Variants in DNAH10 observed in about 807,000 individuals in gnomAD.
DNAH10 encodes dynein axonemal heavy chain 10.
In DNAH10, 348 loss-of-function variants were observed where a neutral mutation model predicts 506.6. The observed-to-expected ratio is 0.69, with a 90% CI of 0.63 to 0.75. The LOEUF (loss-of-function observed/expected upper bound fraction) is 0.75, where lower values mean the gene tolerates loss of function less well. Ranked by LOEUF, DNAH10 falls within the 30% of genes least tolerant of loss-of-function variation. The probability of loss-of-function intolerance (pLI) is 0.00; values close to 1 mark genes in which losing one functional copy is unlikely to be tolerated. For synonymous variants in DNAH10, 2,059 were observed against 2,198.6 expected, an observed-to-expected ratio of 0.94 and a Z score of 1.78; for missense variants, 5,179 against 5,787.1, an observed-to-expected ratio of 0.89 and a Z score of 3.41.
At chr12:123,868,659 G>T (rs1291934526) in intron 43 of DNAH10, among the ~76,000 whole-genome samples, 1 of 152,134 alleles carries the variant, frequency 6.6e-6, no homozygotes, top group Non-Finnish European at 1.5e-5. Context: ...ATTCTCCAAG[G>T]TCTATATGCA....
chr12:123,764,667 C>A (rs1019214296), intron 1 of DNAH10, among the ~76,000 whole-genome samples: 1 of 152,146 alleles, frequency 6.6e-6, no homozygotes, highest in African/African-American at 2.4e-5. Context: ...TCAGAGGGTC[C>A]CCCTGGTTAA....
intron 36 of DNAH10, among the ~76,000 whole-genome samples, chr12:123,854,202 A>G (rs1272730864): frequency 6.7e-6 from 1 of 149,710 alleles, no homozygotes; most frequent in Non-Finnish European, 1.5e-5. Context: ...CTTTTTTCTT[A>G]GGAGAAAGGA....
Position 123,818,976 on chromosome 12 carries a change from T to G in DNAH10, c.3807T>G (p.Val1269=). 1.2e-6 allele frequency: 2 copies of G among 1,606,016 alleles called. No individual in the cohort carries two copies. The highest frequency in any genetic ancestry group is 1.7e-6 in the Non-Finnish European group (2 of 1,176,084). ...CTCCTGATGCAGAGAAAGAACTGGT[T>G]GATAAGATTGAGAGCATATGGTCCA... is the stretch of plus-strand genomic sequence containing the variant. ...LFPPDAEKEL[V]DKIESIWSNL... Residue 1269 remains valine (V), a synonymous_variant, in exon 22 of 79, where the codon GTT becomes GTG. Coordinates refer to ENST00000673944, the MANE Select transcript of DNAH10 (RefSeq NM_001372106.1).
At chr12:123,777,364 G>A (rs11836876) in intron 5 of DNAH10, among the ~76,000 whole-genome samples, 79 of 152,342 alleles carry the variant, frequency 5.2e-4, no homozygotes, top group African/African-American at 1.9e-3. Flanking sequence ...GGGGCCCGCC[G>A]TGCCACTTGC....
At chr12:123,822,674 C>T (rs1594114826) in intron 24 of DNAH10, among the ~76,000 whole-genome samples, 1 of 152,054 alleles carries the variant, frequency 6.6e-6, no homozygotes, top group Non-Finnish European at 1.5e-5. Context: ...GGAATTGGCT[C>T]CTGTGATTAT....
intron 30 of DNAH10, 21 bp downstream of exon 30, chr12:123,841,566 A>C: frequency 1.2e-6 from 2 of 1,603,230 alleles, no homozygotes; most frequent in Non-Finnish European, 1.7e-6. Context: ...GAATGTGGAC[A>C]TGCATTGCTC....
chr12:123,888,098 G>C (rs1425876800), intron 52 of DNAH10, among the ~76,000 whole-genome samples: 1 of 152,158 alleles, frequency 6.6e-6, no homozygotes, highest in Non-Finnish European at 1.5e-5. Flanking sequence ...TGTAGTTCCA[G>C]CTACTCAGGA....
At chr12:123,873,449 G>A in intron 45 of DNAH10, 109 bp from the exon 46 acceptor site, 1 of 1,320,236 alleles carries the variant, frequency 7.6e-7, no homozygotes, top group Non-Finnish European at 1.0e-6. Context: ...TAAAAAGTTA[G>A]TTCAGAGGCC....
At chr12:123,879,487 T>C in intron 49 of DNAH10, 130 bp downstream of exon 49, 2 of 1,416,760 alleles carry the variant, frequency 1.4e-6, no homozygotes. Context: ...CAAAGGAGGG[T>C]GGGTGGGTTA....
rs75259413 is a variant in DNAH10 at position 123,813,785 on chromosome 12, A to G, written c.3653A>G (p.Asn1218Ser). ...GCCAAAAACCTTAGGAAGATCCCCA[A>G]TACCCTTGAAGATCTCAAGTTTGTC... ...HLAKNLRKIP[N>S]TLEDLKFVLA... The change falls in exon 21 of 79, where the codon AAT becomes AGT. Residue 1218 changes from asparagine to serine, a missense_variant. This residue lies in a region of DNAH10 where 4,844 missense variants were observed against 5,430.5 expected (regional missense o/e 0.89). Transcript: ENST00000673944. 4.6e-3 allele frequency: 7,457 copies of G among 1,613,474 alleles called. 102 individuals are homozygous for G. Among genetic ancestry groups the G allele is most frequent in the African/African-American group, 0.046 (3,460 of 75,016 alleles).
In DNAH10 at chr12:123,929,307, C is replaced by T. The variant is rs1469852575; in HGVS notation, c.12339C>T (p.Leu4113=). The stretch of plus-strand genomic sequence containing the variant: ...CCGAGCCACCCAATGGGCTGAAACT[C>T]AACATGAGGGCAACTTACTTCAAGA... ...VVTEPPNGLK[L]NMRATYFKIS... is the part of the protein sequence containing the mutation. The change falls in exon 71 of 79, where the codon CTC becomes CTT. Residue 4113 remains leucine (L), a synonymous_variant. Coordinates refer to ENST00000673944, the MANE Select transcript of DNAH10 (RefSeq NM_001372106.1). The T allele has an allele frequency of 3.7e-6, 6 of 1,603,498 alleles. No individual in the cohort carries two copies. In the Admixed American group the frequency reaches 1.0e-4, roughly 27 times the overall value.
Position 123,799,351 on chromosome 12 carries a change from A to T in DNAH10, c.2269A>T (p.Lys757Ter), listed in dbSNP as rs961664846. 1 of 1,611,658 alleles carries T rather than the reference A, an allele frequency of 6.2e-7. No homozygotes were observed. The highest frequency in any genetic ancestry group is 2.2e-5 in the East Asian group (1 of 44,864). Residue 757 changes from lysine (K) to a stop codon, truncating the protein, a stop_gained, in exon 14 of 79, where the codon AAG becomes TAG. Coordinates refer to ENST00000673944, the MANE Select transcript of DNAH10 (RefSeq NM_001372106.1). LOFTEE classifies it high-confidence loss of function. The stretch of plus-strand genomic sequence containing the variant: ...GGAGCAGGTGCTGCCAGCTCTCATG[A>T]AGAAGAGCCTTTTGACCAAGGTGCG... ...VTEQVLPALM[K>*]KSLLTKSSIA... is the part of the protein sequence containing the mutation.
In DNAH10 at chr12:123,762,638, C is replaced by T. The variant is rs1956870015; in HGVS notation, c.214+88C>T. 7.3e-7 allele frequency: 1 copy of T among 1,370,410 alleles called. No individual in the cohort carries two copies. The highest frequency in any genetic ancestry group is 9.8e-7 in the Non-Finnish European group (1 of 1,023,648). The allele number at this position is 1,370,410 out of a possible 1,614,324, so 84.9% of individuals were successfully genotyped here. Reference sequence around the variant, plus strand: ...CGGGCGCCGGGGCTGCTAGAGCCTGCCCATCGTCCGGCCCCGGCCTCAGGT... The same window carrying T: ...CGGGCGCCGGGGCTGCTAGAGCCTGTCCATCGTCCGGCCCCGGCCTCAGGT... On this transcript the variant is annotated intron_variant, in intron 1 of 78. Transcript: ENST00000673944. This position sits in a 1 kb window ranked among gnomAD's most constrained non-coding sequence, Gnocchi z 5.0.
chr12:123,778,732 A>G (rs1412651035), intron 5 of DNAH10, among the ~76,000 whole-genome samples: 1 of 152,114 alleles, frequency 6.6e-6, no homozygotes, highest in Non-Finnish European at 1.5e-5. Flanking sequence ...GTTCAAATGC[A>G]TGAGTTAAAA....
chr12:123,905,635 T>G (rs1953740330), intron 57 of DNAH10, among the ~76,000 whole-genome samples: 1 of 152,208 alleles, frequency 6.6e-6, no homozygotes, highest in African/African-American at 2.4e-5. Flanking sequence ...GGCCTTTTTT[T>G]TTTTTCCTAT....
rs550561823 is a variant in DNAH10 at position 123,778,919 on chromosome 12, A to G, written c.622-2161A>G. Among the ~76,000 whole-genome samples the G allele has an allele frequency of 5.0e-5, 7 of 139,874 alleles. No homozygotes were observed. The South Asian group carries it at 6.9e-4, about 14-fold the overall frequency. The allele number at this position is 139,874 out of a possible 152,430, so 91.8% of individuals were successfully genotyped here. ...AGACTGTCTCATTTTTTTTTTTTTG[A>G]GGCGGAGTCTCACTGTGTCGCCCAG... is the stretch of plus-strand genomic sequence containing the variant. On this transcript the variant is annotated intron_variant, in intron 5 of 78. Transcript: ENST00000673944.
At chr12:123,873,120 A>G (rs1952101928) in intron 45 of DNAH10, among the ~76,000 whole-genome samples, 1 of 152,208 alleles carries the variant, frequency 6.6e-6, no homozygotes, top group African/African-American at 2.4e-5. Context: ...TTATGTTTGA[A>G]TATTGTCATA....
At chr12:123,801,531 G>A in intron 16 of DNAH10, 99 bp downstream of exon 16, 2 of 1,422,386 alleles carry the variant, frequency 1.4e-6, no homozygotes, top group Non-Finnish European at 9.5e-7. Context: ...TGTTTATAGA[G>A]ACAATTAACA....
In DNAH10 at chr12:123,835,446, G is replaced by A. The variant is rs1320909797; in HGVS notation, c.4820G>A (p.Ser1607Asn). The A allele has an allele frequency of 2.5e-6, 4 of 1,610,058 alleles. No individual in the cohort carries two copies. The highest frequency in any genetic ancestry group is 3.4e-6 in the Non-Finnish European group (4 of 1,178,022). The change falls in exon 28 of 79, where the codon AGT becomes AAT. Residue 1607 changes from serine to asparagine, a missense_variant. Ser to Asn is a conservative substitution (Grantham distance 46). Around this residue, in one of 3 missense-constraint regions of DNAH10, gnomAD observed 4,844 missense variants for 5,430.5 expected, o/e 0.89. Transcript: ENST00000673944. ...LVQRKWMYLESIFIGGDIRSQ... is the reference protein window; with the variant it reads ...LVQRKWMYLENIFIGGDIRSQ... ...CAGAGAAAATGGATGTATCTTGAAA[G>A]TATTTTTATTGGTGGAGATATAAGA...
Sources: gnomAD v4.1 joint callset for allele counts (sites outside exome capture counted in the v4.1 genomes callset) on GRCh38, gnomAD v4.1.1 for gene constraint, gnomAD v4.1.1 regional missense constraint, Gnocchi (gnomAD v3.1) non-coding constraint, MANE v1.5 for transcripts, NCBI Gene and HGNC (gene_info 2026-07-23, HGNC 2026-07-21) for gene names.